EPN2: variants seen among roughly 807,000 people sequenced by gnomAD.
EPN2 encodes the protein epsin 2.
In EPN2, 34 loss-of-function variants were observed where a neutral mutation model predicts 61.7. The observed-to-expected ratio is 0.55, with a 90% confidence interval of 0.42 to 0.73. EPN2 has a LOEUF of 0.73. Ranked by LOEUF, EPN2 falls within the 30% of genes least tolerant of loss-of-function variation. The pLI, the probability that EPN2 is intolerant of heterozygous loss-of-function variation, is 0.00. For missense variants in EPN2, 714 were observed against 839.2 expected, an observed-to-expected ratio of 0.85 and a Z score of 1.84; for synonymous variants, 349 against 353.6, an observed-to-expected ratio of 0.99 and a Z score of 0.15.
At chr17:19,315,981 T>C (rs1484879308) in intron 7 of EPN2, among the ~76,000 whole-genome samples, 1 of 152,232 alleles carries the variant, frequency 6.6e-6, no homozygotes, top group Non-Finnish European at 1.5e-5. Flanking sequence ...AACGGAGTCA[T>C]GCACTGTGTG....
At chr17:19,331,729 CTG>C (rs1248473437) in intron 9 of EPN2, 122 bp from the exon 10 acceptor site, 8 of 753,726 alleles carry the variant, frequency 1.1e-5, no homozygotes. Context: ...CCATGACTGG[CTG>C]TGTGTCGTCA....
At chr17:19,317,099 C>T (rs1028581384) in intron 7 of EPN2, among the ~76,000 whole-genome samples, 1 of 152,222 alleles carries the variant, frequency 6.6e-6, no homozygotes, top group African/African-American at 2.4e-5. Context: ...GATTGGAGTC[C>T]CTTCCCCTAA....
At chr17:19,289,215 G>C (rs921962425) in intron 4 of EPN2, among the ~76,000 whole-genome samples, 4 of 150,376 alleles carry the variant, frequency 2.7e-5, no homozygotes, top group Non-Finnish European at 5.9e-5. Flanking sequence ...CTCCCAAGTA[G>C]CTGGGACTAC....
chr17:19,300,981 T>TGATACTTA (rs1288045027), intron 4 of EPN2, among the ~76,000 whole-genome samples: 4 of 152,280 alleles, frequency 2.6e-5, no homozygotes, highest in African/African-American at 9.6e-5. Context: ...GCCTTAGAGC[T>TGATACTTA]GATACTTAGG....
chr17:19,242,725 C>T (rs2044898987), intron 1 of EPN2, among the ~76,000 whole-genome samples: 1 of 152,168 alleles, frequency 6.6e-6, no homozygotes, highest in South Asian at 2.1e-4. Flanking sequence ...AAAGGGACTC[C>T]CCATCTTCTC....
At position 19,316,204 on chromosome 17, in the gene EPN2, A is replaced by C. The variant is rs1906376799; in HGVS notation, c.1147+2925A>C. ...ATCCAGTTTTTTAAAGAGAAGATAG[A>C]AACCTGGATTTTTGAAATCTAGTGT... On this transcript the variant is annotated intron_variant, in intron 7 of 10. Coordinates refer to ENST00000314728, the MANE Select transcript of EPN2 (RefSeq NM_014964.5). Among the ~76,000 whole-genome samples the C allele has an allele frequency of 2.0e-5, 3 of 152,246 alleles. No individual in the cohort carries two copies. In the South Asian group the frequency reaches 6.2e-4, roughly 31 times the overall value.
chr17:19,253,558 G>T (rs1360402346), intron 1 of EPN2, among the ~76,000 whole-genome samples: 3 of 151,724 alleles, frequency 2.0e-5, no homozygotes, highest in African/African-American at 7.3e-5. Flanking sequence ...GGGGCTACAG[G>T]CCTGGCTAAT....
chr17:19,331,486 T>C (rs1448777021), intron 9 of EPN2, among the ~76,000 whole-genome samples: 1 of 152,050 alleles, frequency 6.6e-6, no homozygotes, highest in Non-Finnish European at 1.5e-5. Context: ...TTCATGTTTA[T>C]TGTGGAAAAT....
At chr17:19,319,734 G>A (rs926078042) in intron 7 of EPN2, among the ~76,000 whole-genome samples, 7 of 151,318 alleles carry the variant, frequency 4.6e-5, no homozygotes, top group South Asian at 2.1e-4. Flanking sequence ...TGCAACCTCC[G>A]CCTCCCAGGT....
At chr17:19,251,711 G>A (rs189887823) in intron 1 of EPN2, among the ~76,000 whole-genome samples, 63 of 152,284 alleles carry the variant, frequency 4.1e-4, no homozygotes, top group Admixed American at 7.2e-4. Flanking sequence ...TGGGATTACA[G>A]GCGTGAGCCA....
chr17:19,312,771 C>A, intron 6 of EPN2: 1 of 306,216 alleles, frequency 3.3e-6, no homozygotes, highest in Non-Finnish European at 6.1e-6. Flanking sequence ...TCAGGCTGGC[C>A]CTGGATGGTG....
Position 19,313,258 on chromosome 17 carries a change from T to C in EPN2, c.1126T>C (p.Ser376Pro). The change falls in exon 7 of 11, where the codon TCA becomes CCA. Residue 376 changes from serine to proline, a missense_variant. By Grantham distance (74) the Ser-to-Pro change is moderately conservative. Around this residue, in one of 2 missense-constraint regions of EPN2, gnomAD observed 410 missense variants for 421.8 expected, o/e 0.97. Coordinates refer to ENST00000314728, the MANE Select transcript of EPN2 (RefSeq NM_014964.5). Reference sequence around the variant, plus strand: ...CGGGCCAGCGGCTCCTGCGAGTACTTCAGACCCCTGGCCATCGTTTGGTAA... The same window carrying C: ...CGGGCCAGCGGCTCCTGCGAGTACTCCAGACCCCTGGCCATCGTTTGGTAA... ...WGGPAAPAST[S>P]DPWPSFGTKP... 2 of 1,558,036 alleles carry C rather than the reference T, an allele frequency of 1.3e-6. No individual in the cohort carries two copies. Among genetic ancestry groups the C allele is most frequent in the Non-Finnish European group, 1.7e-6 (2 of 1,156,576 alleles).
chr17:19,336,410 T>C lies in EPN2; in HGVS notation c.*2156T>C, dbSNP rs1013504157. On this transcript the variant is annotated 3_prime_UTR_variant, in exon 11 of 11. Coordinates refer to ENST00000314728, the MANE Select transcript of EPN2 (RefSeq NM_014964.5). ...CTTTTGTAACGAGTCTTTCATGATGTGACTTTGAGGCCCCAACATGACAGC... is the reference window on the plus strand; with the variant it reads ...CTTTTGTAACGAGTCTTTCATGATGCGACTTTGAGGCCCCAACATGACAGC... The C allele has an allele frequency of 1.3e-5, 2 of 152,520 alleles. No individual in the cohort carries two copies. The highest frequency in any genetic ancestry group is 2.9e-5 in the Non-Finnish European group (2 of 68,084). The allele number at this position is 152,520 out of a possible 1,614,324, so 9.4% of individuals were successfully genotyped here. A position where few individuals can be genotyped will look rare whatever the true frequency, so the allele number is the denominator to read the frequency against.
intron 4 of EPN2, among the ~76,000 whole-genome samples, chr17:19,293,534 CTTTTTTTTTTTTT>C (rs71155390): frequency 3.8e-5 from 2 of 52,432 alleles, no homozygotes; most frequent in Non-Finnish European, 6.8e-5. Flanking sequence ...CCATACCCAG[CTTTTTTTTTTTTT>C]TTTTTTTTTT....
At chr17:19,238,067 G>A (rs1373341488) in intron 1 of EPN2, among the ~76,000 whole-genome samples, 4 of 152,046 alleles carry the variant, frequency 2.6e-5, no homozygotes, top group Non-Finnish European at 5.9e-5. Context: ...CACCTTTCCT[G>A]GGGGCTGTAG....
chr17:19,266,624 G>C (rs994444067), intron 1 of EPN2, among the ~76,000 whole-genome samples: 1 of 151,608 alleles, frequency 6.6e-6, no homozygotes, highest in African/African-American at 2.4e-5. Context: ...GGATGGTTTC[G>C]ATCTCCTCAC....
chr17:19,246,840 C>T (rs926662098), intron 1 of EPN2, among the ~76,000 whole-genome samples: 1 of 142,530 alleles, frequency 7.0e-6, no homozygotes, highest in African/African-American at 2.7e-5. Flanking sequence ...GCGATCTCAG[C>T]TCACTGCAGG....
At chr17:19,314,869 C>G (rs1321159377) in intron 7 of EPN2, among the ~76,000 whole-genome samples, 1 of 152,198 alleles carries the variant, frequency 6.6e-6, no homozygotes. Context: ...TAGACAGTGG[C>G]TTTGGCTTTA....
intron 1 of EPN2, among the ~76,000 whole-genome samples, chr17:19,268,747 G>A (rs772302754): frequency 1.3e-5 from 2 of 152,152 alleles, no homozygotes; most frequent in Non-Finnish European, 2.9e-5. Flanking sequence ...CAGGAACACG[G>A]GTAGGCACAT....
Sources: allele counts gnomAD v4.1 joint callset (sites outside exome capture counted in the v4.1 genomes callset), GRCh38; gene constraint gnomAD v4.1.1; regional missense constraint gnomAD v4.1.1; transcripts MANE v1.5; gene names NCBI Gene and HGNC (gene_info 2026-07-23, HGNC 2026-07-21).